SPMIP3: variants seen among roughly 807,000 people sequenced by gnomAD.
SPMIP3 encodes the protein sperm microtubule inner protein 3.
chr1:244,356,112 CT>C, the SPMIP3 span, among the ~76,000 whole-genome samples: 2 of 152,012 alleles, frequency 1.3e-5, no homozygotes, highest in East Asian at 3.8e-4. Flanking sequence ...ATCTGTACAC[CT>C]TTTATTTCCT....
the SPMIP3 span, among the ~76,000 whole-genome samples, chr1:244,357,493 G>A: frequency 2.1e-4 from 32 of 151,728 alleles, no homozygotes; most frequent in Admixed American, 1.9e-3. Context: ...GGTGGATCAC[G>A]AGGTCAGGAG....
chr1:244,368,999 A>G, the SPMIP3 span, among the ~76,000 whole-genome samples: 5 of 152,172 alleles, frequency 3.3e-5, no homozygotes, highest in Admixed American at 2.6e-4. Context: ...CTCTACTAAA[A>G]ATACAAAAAA....
the SPMIP3 span, among the ~76,000 whole-genome samples, chr1:244,360,371 A>G: frequency 6.6e-6 from 1 of 152,196 alleles, no homozygotes; most frequent in South Asian, 2.1e-4. Flanking sequence ...TGCTGGGTAT[A>G]TATCGAAGAG....
chr1:244,364,457 GT>G, the SPMIP3 span, among the ~76,000 whole-genome samples: 1 of 151,624 alleles, frequency 6.6e-6, no homozygotes, highest in South Asian at 2.1e-4. Flanking sequence ...TTTACTTTTG[GT>G]TTTTAAAGAA....
At chr1:244,371,936 A>G in the SPMIP3 span, among the ~76,000 whole-genome samples, 1 of 152,140 alleles carries the variant, frequency 6.6e-6, no homozygotes, top group Non-Finnish European at 1.5e-5. Flanking sequence ...ATATTATCCC[A>G]GCCACTGGGC....
chr1:244,360,818 A>G, the SPMIP3 span, among the ~76,000 whole-genome samples: 2 of 151,356 alleles, frequency 1.3e-5, no homozygotes, highest in Non-Finnish European at 2.9e-5. Context: ...TGGGAGGCGG[A>G]GATTGCAGTG....
chr1:244,377,613 GT>G, the SPMIP3 span, among the ~76,000 whole-genome samples: 3 of 152,052 alleles, frequency 2.0e-5, no homozygotes, highest in Non-Finnish European at 2.9e-5. Flanking sequence ...GATTTTCAAG[GT>G]CTTAATATAT....
At chr1:244,371,995 C>T in the SPMIP3 span, among the ~76,000 whole-genome samples, 3 of 152,346 alleles carry the variant, frequency 2.0e-5, no homozygotes, top group Non-Finnish European at 4.4e-5. Context: ...TCCCAGAGGT[C>T]GTCTTTGCAC....
the SPMIP3 span, among the ~76,000 whole-genome samples, chr1:244,371,284 C>A: frequency 1.3e-5 from 2 of 152,216 alleles, no homozygotes; most frequent in East Asian, 3.9e-4. Context: ...CCGGGTTCAA[C>A]AGAATCACTC....
the SPMIP3 span, among the ~76,000 whole-genome samples, chr1:244,374,750 C>A: frequency 1.3e-5 from 2 of 151,880 alleles, no homozygotes; most frequent in Non-Finnish European, 2.9e-5. Flanking sequence ...GCATGTGCCA[C>A]CACGTCCAGC....
chr1:244,374,587 C>CTTTTTTTT, the SPMIP3 span, among the ~76,000 whole-genome samples: 4 of 74,630 alleles, frequency 5.4e-5, 1 homozygote, highest in South Asian at 1.1e-3. Context: ...CCACATTTCT[C>CTTTTTTTT]TTTTTTTTTT....
chr1:244,378,548 T>C, the SPMIP3 span: 4 of 1,613,922 alleles, frequency 2.5e-6, no homozygotes, highest in South Asian at 1.1e-5. Flanking sequence ...TCATTCGATA[T>C]ATTTGTCTTC....
the SPMIP3 span, among the ~76,000 whole-genome samples, chr1:244,375,794 A>G: frequency 6.6e-6 from 1 of 152,066 alleles, no homozygotes; most frequent in African/African-American, 2.4e-5. Flanking sequence ...CCTCCCCAGT[A>G]ACTGAGACTA....
the SPMIP3 span, among the ~76,000 whole-genome samples, chr1:244,370,294 T>C: frequency 1.3e-5 from 2 of 152,220 alleles, no homozygotes; most frequent in African/African-American, 2.4e-5. Context: ...GAGGAGATTC[T>C]TGTGGAGCCG....
chr1:244,374,124 A>T, the SPMIP3 span, among the ~76,000 whole-genome samples: 1 of 152,172 alleles, frequency 6.6e-6, no homozygotes, highest in East Asian at 1.9e-4. Flanking sequence ...AAATAAATAA[A>T]TAAATACAAT....
chr1:244,378,329 G>C, the SPMIP3 span: 1 of 799,408 alleles, frequency 1.3e-6, no homozygotes, highest in Non-Finnish European at 2.0e-6. Flanking sequence ...TGCCAGGGCT[G>C]GTCGCAGAGC....
At chr1:244,367,603 C>A in the SPMIP3 span, among the ~76,000 whole-genome samples, 405 of 152,264 alleles carry the variant, frequency 2.7e-3, 4 homozygotes, top group African/African-American at 9.4e-3. Flanking sequence ...CCCCAACCCA[C>A]GTGCGGCTCG....
At chr1:244,360,687 C>G in the SPMIP3 span, among the ~76,000 whole-genome samples, 1 of 152,068 alleles carries the variant, frequency 6.6e-6, no homozygotes, top group Non-Finnish European at 1.5e-5. Context: ...AGTTCCAAGA[C>G]CAGCCTGGTC....
At chr1:244,379,584 A>G in the SPMIP3 span, among the ~76,000 whole-genome samples, 1 of 152,152 alleles carries the variant, frequency 6.6e-6, no homozygotes, top group Non-Finnish European at 1.5e-5. Context: ...AACTTTTCTT[A>G]TTCCCGATTT....
Sources: allele counts gnomAD v4.1 joint callset (sites outside exome capture counted in the v4.1 genomes callset), GRCh38; gene constraint gnomAD v4.1.1; transcripts MANE v1.5; gene names NCBI Gene and HGNC (gene_info 2026-07-23, HGNC 2026-07-21).